SPON1: variants seen among roughly 807,000 people sequenced by gnomAD.
The protein encoded by SPON1 is spondin-1.
Under a neutral mutation model 111.7 loss-of-function variants are expected in SPON1, and 52 were observed. That is an observed-to-expected ratio of 0.47 (90% CI 0.37 to 0.59). The LOEUF is 0.59. SPON1 is among the 20% of genes least tolerant of loss of function. SPON1 has a pLI of 0.00. For synonymous variants in SPON1, 410 were observed against 395.8 expected (o/e 1.04, Z -0.43); for missense variants, 957 against 1,068.5 (o/e 0.90, Z 1.46).
chr11:14,026,854 C>T (rs1223910759), intron 2 of SPON1, among the ~76,000 whole-genome samples: 5 of 152,170 alleles, frequency 3.3e-5, no homozygotes, highest in Non-Finnish European at 4.4e-5. Flanking sequence ...TTGTCTCCTC[C>T]TCTCTCCCCA....
chr11:13,989,102 G>A (rs1381097065), intron 2 of SPON1, among the ~76,000 whole-genome samples: 1 of 152,068 alleles, frequency 6.6e-6, no homozygotes, highest in East Asian at 1.9e-4. Context: ...TCTATTGTTG[G>A]GAATAATTTC....
At chr11:14,057,805 GA>G (rs1848755984) in intron 3 of SPON1, among the ~76,000 whole-genome samples, 1 of 125,668 alleles carries the variant, frequency 8.0e-6, no homozygotes, top group Non-Finnish European at 1.7e-5. Context: ...GACCAGCCTG[GA>G]AAACGTAGTG....
In SPON1 at chr11:14,235,678, CAAAAAAAAAAAAA is replaced by C. The variant is rs56925967; in HGVS notation, c.826-7637_826-7625del. On this transcript the variant is annotated intron_variant, in intron 6 of 15. Coordinates refer to ENST00000576479, the MANE Select transcript of SPON1 (RefSeq NM_006108.4). Reference sequence around the variant, plus strand: ...TAGGCAACAGAGAAAGACCCTGCCTCAAAAAAAAAAAAAAAAAAAAAAAAAAAAAGTAAGCAAA... The same window carrying C: ...TAGGCAACAGAGAAAGACCCTGCCTCAAAAAAAAAAAAAAAAGTAAGCAAA... Among the ~76,000 whole-genome samples the C allele has an allele frequency of 3.8e-4, 27 of 71,392 alleles. 1 individual carries two copies. Among genetic ancestry groups the C allele is most frequent in the African/African-American group, 1.3e-3 (24 of 17,968 alleles). 46.8% of individuals were successfully genotyped at this position (71,392 alleles called of 152,430 possible).
At chr11:14,189,261 C>T (rs1848318002) in intron 6 of SPON1, among the ~76,000 whole-genome samples, 1 of 152,232 alleles carries the variant, frequency 6.6e-6, no homozygotes. Context: ...AAATACACAG[C>T]TCAAAACAAT....
chr11:14,182,521 A>G (rs1848244865), intron 6 of SPON1, among the ~76,000 whole-genome samples: 1 of 152,026 alleles, frequency 6.6e-6, no homozygotes, highest in South Asian at 2.1e-4. Context: ...GCAGATAGTC[A>G]CCCCATCTCT....
chr11:14,079,902 C>T lies in SPON1; in HGVS notation c.557C>T (p.Ser186Phe). Residue 186 changes from serine (S) to phenylalanine (F), a missense_variant, in exon 5 of 16, where the codon TCC becomes TTC. Coordinates refer to ENST00000576479, the MANE Select transcript of SPON1 (RefSeq NM_006108.4). ...SLTKKLCEQD[S>F]TFDGVTDKPI... ...GTGACTTTTCTGACTGTTTCAGATT[C>T]CACATTTGATGGGGTGACTGACAAA... 1.2e-6 allele frequency: 2 copies of T among 1,613,898 alleles called. No individual in the cohort carries two copies. The highest frequency in any genetic ancestry group is 1.7e-6 in the Non-Finnish European group (2 of 1,179,852).
rs573554945 is a variant in SPON1, at chr11:14,070,005, T to G, written c.480-5340T>G. On this transcript the variant is annotated intron_variant, in intron 3 of 15. Transcript: ENST00000576479. ...CACCTAAAGCCATATACAAGATTGG[T>G]GAGTGTGCATCCTGGCATGTACACA... is the stretch of plus-strand genomic sequence containing the variant. 2.6e-5 allele frequency among the ~76,000 whole-genome samples: 4 copies of G among 152,270 alleles called. No individual in the cohort carries two copies. In the South Asian group the frequency reaches 8.3e-4, roughly 32 times the overall value.
At position 14,071,311 on chromosome 11, in the gene SPON1, T is replaced by G. The variant is rs528802671; in HGVS notation, c.480-4034T>G. ...ACCAAAGTCTTGGTCTCCACTAGCATCTCTGTAGGTGAATGTTGGTCTTCC... is the reference window on the plus strand; with the variant it reads ...ACCAAAGTCTTGGTCTCCACTAGCAGCTCTGTAGGTGAATGTTGGTCTTCC... On this transcript the variant is annotated intron_variant, in intron 3 of 15. Coordinates refer to ENST00000576479, the MANE Select transcript of SPON1 (RefSeq NM_006108.4). Among the ~76,000 whole-genome samples the G allele has an allele frequency of 4.6e-5, 7 of 152,254 alleles. No homozygotes were observed. In the South Asian group the frequency reaches 1.5e-3, roughly 32 times the overall value.
intron 5 of SPON1, among the ~76,000 whole-genome samples, chr11:14,131,058 C>A (rs1847522406): frequency 1.3e-5 from 2 of 152,142 alleles, no homozygotes; most frequent in Non-Finnish European, 2.9e-5. Flanking sequence ...AACTTTTGAT[C>A]ATGTTTCCCC....
chr11:14,205,852 G>C (rs1415206254), intron 6 of SPON1, among the ~76,000 whole-genome samples: 2 of 152,142 alleles, frequency 1.3e-5, no homozygotes, highest in Admixed American at 6.5e-5. Flanking sequence ...AGGTTCTACA[G>C]AATCAAAGTG....
At chr11:14,233,504 T>A (rs1213389534) in intron 6 of SPON1, among the ~76,000 whole-genome samples, 1 of 152,186 alleles carries the variant, frequency 6.6e-6, no homozygotes, top group Non-Finnish European at 1.5e-5. Context: ...CAACAGCCCC[T>A]AAACCCTCTG....
chr11:14,113,588 T>A lies in SPON1; in HGVS notation c.677-21832T>A, dbSNP rs1554925668. ...TTTAAATTTTTTTTTTTTTTTTTTT[T>A]TTTTTTTTTTTTTTTTTTTTTTTTT... On this transcript the variant is annotated intron_variant, in intron 5 of 15. Coordinates refer to ENST00000576479, the MANE Select transcript of SPON1 (RefSeq NM_006108.4). Among the ~76,000 whole-genome samples the A allele has an allele frequency of 2.3e-4, 8 of 34,090 alleles. 1 individual carries two copies. Among genetic ancestry groups the A allele is most frequent in the African/African-American group, 9.8e-4 (8 of 8,144 alleles). 22.4% of individuals were successfully genotyped at this position (34,090 alleles called of 152,430 possible).
intron 6 of SPON1, among the ~76,000 whole-genome samples, chr11:14,202,977 T>C (rs1848479484): frequency 6.6e-6 from 1 of 152,012 alleles, no homozygotes; most frequent in Non-Finnish European, 1.5e-5. Context: ...CAATCTACCA[T>C]TCACCACGCC....
chr11:14,164,648 C>G (rs1848006367), intron 6 of SPON1, among the ~76,000 whole-genome samples: 1 of 152,316 alleles, frequency 6.6e-6, no homozygotes, highest in Middle Eastern at 3.4e-3. Context: ...ATAGCCGATT[C>G]ATCACGACAG....
At chr11:14,059,688 CAG>C (rs1848775522) in intron 3 of SPON1, among the ~76,000 whole-genome samples, 1 of 152,178 alleles carries the variant, frequency 6.6e-6, no homozygotes, top group African/African-American at 2.4e-5. Context: ...CAGGAAGTGA[CAG>C]AGTTACTGGC....
chr11:14,183,510 T>C (rs1848256739), intron 6 of SPON1, among the ~76,000 whole-genome samples: 1 of 152,238 alleles, frequency 6.6e-6, no homozygotes, highest in African/African-American at 2.4e-5. Flanking sequence ...CCAGTAAGTT[T>C]TCTCCCCTAT....
At chr11:13,965,662 G>T (rs1013830222) in intron 1 of SPON1, among the ~76,000 whole-genome samples, 4 of 152,164 alleles carry the variant, frequency 2.6e-5, no homozygotes, top group Admixed American at 2.0e-4. Flanking sequence ...AAGAGATCTT[G>T]CAGGAACCAT....
At chr11:13,991,301 C>G (rs749394231) in intron 2 of SPON1, among the ~76,000 whole-genome samples, 4 of 152,096 alleles carry the variant, frequency 2.6e-5, no homozygotes, top group Non-Finnish European at 5.9e-5. Context: ...CTAATCTTGC[C>G]TGCTCTCTTT....
At chr11:14,210,066 G>A (rs1453013286) in intron 6 of SPON1, among the ~76,000 whole-genome samples, 1 of 152,152 alleles carries the variant, frequency 6.6e-6, no homozygotes, top group African/African-American at 2.4e-5. Context: ...CTTCTTCTGA[G>A]AAGTGTCTGT....
Sources: gnomAD v4.1 joint callset for allele counts (sites outside exome capture counted in the v4.1 genomes callset) on GRCh38, gnomAD v4.1.1 for gene constraint, MANE v1.5 for transcripts, NCBI Gene and HGNC (gene_info 2026-07-23, HGNC 2026-07-21) for gene names.